NTM: variants seen among roughly 807,000 people sequenced by gnomAD.
The protein encoded by NTM is IgLON family member 2.
Under a neutral mutation model 42.1 loss-of-function variants are expected in NTM, and 13 were observed. The observed-to-expected ratio is 0.31, with a 90% CI of 0.20 to 0.49. The LOEUF (loss-of-function observed/expected upper bound fraction) is 0.49. NTM is among the 20% of genes least tolerant of loss of function. The pLI is 0.99. For missense variants in NTM, 373 were observed against 452.8 expected, an observed-to-expected ratio of 0.82 and a Z score of 1.60; for synonymous variants, 187 against 179.2, an observed-to-expected ratio of 1.04 and a Z score of -0.35.
chr11:131,448,826 G>A (rs751602198), intron 1 of NTM, among the ~76,000 whole-genome samples: 1 of 152,240 alleles, frequency 6.6e-6, no homozygotes, highest in African/African-American at 2.4e-5. Flanking sequence ...CAAGCCTGCT[G>A]CATTCCAGTG....
At chr11:132,219,177 G>A (rs2084567795) in intron 4 of NTM, among the ~76,000 whole-genome samples, 1 of 152,072 alleles carries the variant, frequency 6.6e-6, no homozygotes, top group South Asian at 2.1e-4. Flanking sequence ...TTCTGCCCTT[G>A]TTTCAAGACC....
At chr11:131,412,861 C>T (rs926436074) in intron 1 of NTM, among the ~76,000 whole-genome samples, 2 of 152,070 alleles carry the variant, frequency 1.3e-5, no homozygotes, top group African/African-American at 2.4e-5. Context: ...GGGAAAATGT[C>T]TGCTTTCTGC....
At chr11:131,499,561 G>T (rs906500746) in intron 1 of NTM, among the ~76,000 whole-genome samples, 1 of 152,092 alleles carries the variant, frequency 6.6e-6, no homozygotes, top group Admixed American at 6.5e-5. Context: ...ACACAAATCG[G>T]ATCATATCAT....
intron 1 of NTM, among the ~76,000 whole-genome samples, chr11:131,739,396 G>C (rs1489622443): frequency 6.6e-6 from 1 of 152,154 alleles, no homozygotes; most frequent in Non-Finnish European, 1.5e-5. Flanking sequence ...GAAAAGTGAG[G>C]ATAATAATGG....
At chr11:131,585,398 C>T (rs953193768) in intron 1 of NTM, among the ~76,000 whole-genome samples, 7 of 152,276 alleles carry the variant, frequency 4.6e-5, no homozygotes, top group Middle Eastern at 6.8e-3. Context: ...AGGAAGTTCA[C>T]CATGGGAGAC....
chr11:131,938,945 G>T (rs998533645), intron 2 of NTM, among the ~76,000 whole-genome samples: 1 of 152,020 alleles, frequency 6.6e-6, no homozygotes, highest in African/African-American at 2.4e-5. Context: ...GGGAGCAAGA[G>T]GACCCTTAGA....
chr11:132,113,886 C>T (rs2063544747), intron 2 of NTM, among the ~76,000 whole-genome samples: 1 of 152,136 alleles, frequency 6.6e-6, no homozygotes, highest in South Asian at 2.1e-4. Context: ...AACATCAGGC[C>T]CTAGCTTTCA....
At chr11:132,085,627 T>C (rs2059609843) in intron 2 of NTM, among the ~76,000 whole-genome samples, 1 of 152,262 alleles carries the variant, frequency 6.6e-6, no homozygotes, top group Non-Finnish European at 1.5e-5. Flanking sequence ...TTATTTTTCC[T>C]TCAAAAGTAT....
intron 1 of NTM, among the ~76,000 whole-genome samples, chr11:131,807,686 G>T (rs998001647): frequency 8.5e-5 from 13 of 152,138 alleles, no homozygotes; most frequent in African/African-American, 3.1e-4. Context: ...CAGAAGGCAA[G>T]TCTCACCAGA....
intron 2 of NTM, among the ~76,000 whole-genome samples, chr11:131,996,519 C>G (rs933245906): frequency 3.3e-5 from 5 of 152,178 alleles, no homozygotes; most frequent in Non-Finnish European, 7.4e-5. Context: ...CATTAAGATG[C>G]TACTCAAATC....
At chr11:131,937,309 T>C (rs900189273) in intron 2 of NTM, among the ~76,000 whole-genome samples, 1 of 152,240 alleles carries the variant, frequency 6.6e-6, no homozygotes, top group Non-Finnish European at 1.5e-5. Context: ...TTATTCTAGC[T>C]CTTAATGTTT....
At chr11:131,561,834 T>C in intron 1 of NTM, among the ~76,000 whole-genome samples, 1 of 152,200 alleles carries the variant, frequency 6.6e-6, no homozygotes, top group Non-Finnish European at 1.5e-5. Flanking sequence ...GCCTCATCTA[T>C]GAAATCAGGC....
At chr11:131,766,467 C>A (rs1262296108) in intron 1 of NTM, among the ~76,000 whole-genome samples, 1 of 152,158 alleles carries the variant, frequency 6.6e-6, no homozygotes, top group Admixed American at 6.6e-5. Flanking sequence ...CAGCTTGTCA[C>A]CTCGCCACAC....
chr11:131,498,019 T>G (rs778874654), intron 1 of NTM, among the ~76,000 whole-genome samples: 1 of 152,196 alleles, frequency 6.6e-6, no homozygotes, highest in Non-Finnish European at 1.5e-5. Flanking sequence ...CTAGCTGCGT[T>G]AGGAATAAGA....
chr11:131,795,661 C>A, intron 1 of NTM: 1 of 985,378 alleles, frequency 1.0e-6, no homozygotes, highest in African/African-American at 1.7e-5. Context: ...AGTGCCAGTG[C>A]CCATAAGTTC....
chr11:131,746,489 C>T (rs1173436551), intron 1 of NTM, among the ~76,000 whole-genome samples: 1 of 152,138 alleles, frequency 6.6e-6, no homozygotes, highest in East Asian at 1.9e-4. Flanking sequence ...CTCATGAATA[C>T]GTTTTTCCAT....
intron 1 of NTM, among the ~76,000 whole-genome samples, chr11:131,810,571 G>T (rs896516454): frequency 6.6e-6 from 1 of 152,264 alleles, no homozygotes; most frequent in East Asian, 1.9e-4. Flanking sequence ...TGTCTGAATG[G>T]GTAAATGTGG....
chr11:131,719,304 G>A (rs557327841), intron 1 of NTM, among the ~76,000 whole-genome samples: 1 of 152,292 alleles, frequency 6.6e-6, no homozygotes, highest in East Asian at 1.9e-4. Flanking sequence ...GTCAGAAACA[G>A]AAGTCCACCC....
At chr11:131,479,357 A>C (rs1953296964) in intron 1 of NTM, among the ~76,000 whole-genome samples, 1 of 152,166 alleles carries the variant, frequency 6.6e-6, no homozygotes, top group African/African-American at 2.4e-5. Flanking sequence ...AAAATTTGAG[A>C]AGGGTGGGAG....
Sources: allele counts gnomAD v4.1 joint callset (sites outside exome capture counted in the v4.1 genomes callset), GRCh38; gene constraint gnomAD v4.1.1; transcripts MANE v1.5; gene names NCBI Gene and HGNC (gene_info 2026-07-23, HGNC 2026-07-21).